The following RANBP2 variants were observed in gnomAD, a reference collection of about 807,000 sequenced individuals.
RANBP2 encodes the protein RAN binding protein 2.
A neutral mutation model predicts 303.6 loss-of-function variants in RANBP2; 57 were observed. The observed-to-expected ratio is 0.19, with a 90% CI of 0.15 to 0.23. The LOEUF is 0.23. Among genes scored for constraint, RANBP2 ranks in the 10% least tolerant of loss-of-function variants. The pLI, the probability that RANBP2 is intolerant of heterozygous loss-of-function variation, is 1.00. For synonymous variants in RANBP2, 1,167 were observed against 1,301.5 expected (o/e 0.90, Z 2.23); for missense variants, 3,138 against 3,780.8 (o/e 0.83, Z 4.46).
chr2:109,125,008 C>CT, the RANBP2 span, among the ~76,000 whole-genome samples: 1 of 152,208 alleles, frequency 6.6e-6, no homozygotes. Context: ...GAAAAAGAAA[C>CT]TAAGGAAATG....
At chr2:108,781,053 C>A (rs548925144) in intron 25 of RANBP2, among the ~76,000 whole-genome samples, 2 of 151,998 alleles carry the variant, frequency 1.3e-5, no homozygotes, top group African/African-American at 4.8e-5. Context: ...CCATGTTGGC[C>A]AGGCTGGTCT....
chr2:109,111,877 G>A, the RANBP2 span, among the ~76,000 whole-genome samples: 1 of 149,186 alleles, frequency 6.7e-6, no homozygotes, highest in Admixed American at 6.9e-5. Context: ...GTGAGAATAT[G>A]CGGTGTTTGT....
chr2:109,548,338 G>A, the RANBP2 span, among the ~76,000 whole-genome samples: 1 of 152,154 alleles, frequency 6.6e-6, no homozygotes, highest in Non-Finnish European at 1.5e-5. Context: ...TAACATTTTA[G>A]TTCTGGGTAG....
At chr2:109,396,683 G>A in the RANBP2 span, among the ~76,000 whole-genome samples, 1 of 152,220 alleles carries the variant, frequency 6.6e-6, no homozygotes, top group African/African-American at 2.4e-5. Context: ...CCTAGACCAG[G>A]CTGACGTCAG....
chr2:109,377,410 G>T, the RANBP2 span, among the ~76,000 whole-genome samples: 2 of 152,180 alleles, frequency 1.3e-5, no homozygotes, highest in Non-Finnish European at 2.9e-5. Context: ...CATAGCGTCA[G>T]TGGCTGTGGT....
At chr2:109,697,214 G>A in the RANBP2 span, among the ~76,000 whole-genome samples, 1 of 152,222 alleles carries the variant, frequency 6.6e-6, no homozygotes, top group Admixed American at 6.5e-5. Context: ...CTTTGGCTGG[G>A]CGCAGTAGCT....
chr2:108,805,045 T>G, the RANBP2 span: 92 of 1,133,396 alleles, frequency 8.1e-5, no homozygotes, highest in Non-Finnish European at 1.0e-4. Flanking sequence ...ACATAAGACA[T>G]TCTAAGAAGT....
the RANBP2 span, among the ~76,000 whole-genome samples, chr2:109,517,160 C>T: frequency 1.3e-5 from 2 of 150,960 alleles, no homozygotes; most frequent in East Asian, 1.9e-4. Context: ...AAAGGGTCAC[C>T]CGGAATGTGC....
chr2:108,925,395 G>A, the RANBP2 span, among the ~76,000 whole-genome samples: 1 of 152,194 alleles, frequency 6.6e-6, no homozygotes, highest in Non-Finnish European at 1.5e-5. Flanking sequence ...AAGGCTACAC[G>A]GCGGATGCAC....
the RANBP2 span, among the ~76,000 whole-genome samples, chr2:108,908,626 A>G: frequency 4.8e-3 from 738 of 152,258 alleles, 8 homozygotes; most frequent in African/African-American, 0.015. Context: ...GCCCAGGTTC[A>G]TGCCGCCCTG....
chr2:109,513,953 A>G, the RANBP2 span, among the ~76,000 whole-genome samples: 6 of 152,128 alleles, frequency 3.9e-5, no homozygotes, highest in Non-Finnish European at 8.8e-5. Context: ...AGCCGGGTGG[A>G]GCCCAGGCAG....
chr2:108,965,168 T>C, the RANBP2 span, among the ~76,000 whole-genome samples: 6 of 152,116 alleles, frequency 3.9e-5, no homozygotes, highest in African/African-American at 9.7e-5. Flanking sequence ...CAAAGTGTCA[T>C]GATTATATCT....
the RANBP2 span, among the ~76,000 whole-genome samples, chr2:109,678,538 A>G: frequency 2.6e-5 from 4 of 152,248 alleles, no homozygotes; most frequent in African/African-American, 9.6e-5. Flanking sequence ...AGCTTAGCCC[A>G]GAAAGAACAT....
At chr2:109,565,359 C>CT in the RANBP2 span, among the ~76,000 whole-genome samples, 1 of 152,052 alleles carries the variant, frequency 6.6e-6, no homozygotes. Context: ...GTAGATTTAA[C>CT]TTTTTAAGTT....
chr2:108,851,677 G>A, the RANBP2 span, among the ~76,000 whole-genome samples: 2 of 152,150 alleles, frequency 1.3e-5, no homozygotes, highest in Admixed American at 1.3e-4. Flanking sequence ...GACTCTCTCT[G>A]GGGAGGATGT....
chr2:109,239,641 G>A, the RANBP2 span, among the ~76,000 whole-genome samples: 2 of 152,188 alleles, frequency 1.3e-5, no homozygotes, highest in Non-Finnish European at 2.9e-5. Flanking sequence ...GGAGGAAAGA[G>A]AGGCCGATGA....
the RANBP2 span, among the ~76,000 whole-genome samples, chr2:109,037,323 CAAAAAA>C: frequency 1.8e-5 from 1 of 54,334 alleles, no homozygotes; most frequent in Non-Finnish European, 3.9e-5. Flanking sequence ...GACCATGTCT[CAAAAAA>C]AAAAAAAAAA....
chr2:109,155,465 G>A, the RANBP2 span, among the ~76,000 whole-genome samples: 2 of 152,092 alleles, frequency 1.3e-5, no homozygotes, highest in African/African-American at 2.4e-5. Context: ...ACCACGCCTG[G>A]CTAATTTTTG....
At chr2:109,164,732 T>C in the RANBP2 span, among the ~76,000 whole-genome samples, 1 of 152,190 alleles carries the variant, frequency 6.6e-6, no homozygotes, top group East Asian at 1.9e-4. Context: ...CAATGTGATA[T>C]CACCTGGCTT....
Sources: gnomAD v4.1 joint callset for allele counts (sites outside exome capture counted in the v4.1 genomes callset) on GRCh38, gnomAD v4.1.1 for gene constraint, MANE v1.5 for transcripts, NCBI Gene and HGNC (gene_info 2026-07-23, HGNC 2026-07-21) for gene names.